The following JAZF1 variants were observed in gnomAD, a reference collection of about 807,000 sequenced individuals.
JAZF1 encodes juxtaposed with another zinc finger protein 1.
Under a neutral mutation model 26.4 loss-of-function variants are expected in JAZF1, and 8 were observed. That is an observed-to-expected ratio of 0.30 (90% CI 0.18 to 0.55). The LOEUF (loss-of-function observed/expected upper bound fraction) is 0.55, where lower values mean the gene tolerates loss of function less well. Among genes scored for constraint, JAZF1 ranks in the 20% least tolerant of loss-of-function variants. The probability of loss-of-function intolerance (pLI) is 0.94; values close to 1 mark genes in which losing one functional copy is unlikely to be tolerated. For missense variants in JAZF1, 199 were observed against 322.0 expected (o/e 0.62, Z 2.92); for synonymous variants, 126 against 122.3 (o/e 1.03, Z -0.20).
At chr7:28,085,758 G>A (rs1246549295) in intron 1 of JAZF1, among the ~76,000 whole-genome samples, 1 of 152,216 alleles carries the variant, frequency 6.6e-6, no homozygotes, top group Non-Finnish European at 1.5e-5. Context: ...TTGAGGTCCA[G>A]CAAAATTAAT....
intron 3 of JAZF1, among the ~76,000 whole-genome samples, chr7:27,845,337 T>G (rs1783000091): frequency 6.6e-6 from 1 of 152,164 alleles, no homozygotes; most frequent in Admixed American, 6.5e-5. Context: ...GGGGTCAGAA[T>G]GTTGCAACTC....
intron 2 of JAZF1, among the ~76,000 whole-genome samples, chr7:27,974,088 G>A (rs1742692321): frequency 6.6e-6 from 1 of 152,068 alleles, no homozygotes; most frequent in Non-Finnish European, 1.5e-5. Flanking sequence ...ATTAAACATA[G>A]TATGAATCAA....
chr7:28,097,381 A>G (rs1254928952), intron 1 of JAZF1, among the ~76,000 whole-genome samples: 1 of 152,230 alleles, frequency 6.6e-6, no homozygotes, highest in Non-Finnish European at 1.5e-5. Flanking sequence ...ATCAGCCTCC[A>G]TTAAAATGAT....
At chr7:27,958,839 T>G (rs1223018594) in intron 2 of JAZF1, among the ~76,000 whole-genome samples, 1 of 152,040 alleles carries the variant, frequency 6.6e-6, no homozygotes, top group African/African-American at 2.4e-5. Context: ...GAAGAATGGA[T>G]GACAATGGGG....
intron 1 of JAZF1, among the ~76,000 whole-genome samples, chr7:28,164,194 G>A (rs1783331374): frequency 6.6e-6 from 1 of 152,190 alleles, no homozygotes; most frequent in African/African-American, 2.4e-5. Context: ...CCACCCAGCT[G>A]AACCCAGCCT....
chr7:27,957,620 T>A (rs1233803736), intron 2 of JAZF1, among the ~76,000 whole-genome samples: 1 of 152,190 alleles, frequency 6.6e-6, no homozygotes, highest in Non-Finnish European at 1.5e-5. Context: ...CATCCTACCA[T>A]CTAGAAGATC....
chr7:28,149,616 G>A (rs1279526558), intron 1 of JAZF1, among the ~76,000 whole-genome samples: 1 of 152,110 alleles, frequency 6.6e-6, no homozygotes, highest in Non-Finnish European at 1.5e-5. Flanking sequence ...AAATAAAGAG[G>A]CAATGGGAAA....
chr7:27,849,632 G>C (rs1337783771), intron 3 of JAZF1, among the ~76,000 whole-genome samples: 2 of 152,134 alleles, frequency 1.3e-5, no homozygotes, highest in African/African-American at 4.8e-5. Context: ...AACGAAGGTA[G>C]GACCCTGTGA....
At chr7:28,060,089 AATTCTTTATTTG>A (rs1262245223) in intron 1 of JAZF1, among the ~76,000 whole-genome samples, 72 of 152,170 alleles carry the variant, frequency 4.7e-4, no homozygotes, top group African/African-American at 1.7e-3. Context: ...CTAGCTTATT[AATTCTTTATTTG>A]ATTCTATCTA....
chr7:27,901,727 C>G (rs1208704950), intron 2 of JAZF1, among the ~76,000 whole-genome samples: 1 of 152,158 alleles, frequency 6.6e-6, no homozygotes, highest in Non-Finnish European at 1.5e-5. Flanking sequence ...GAGGCTTGTT[C>G]TGGGGCAAAG....
chr7:27,836,700 C>A (rs1232721710), intron 4 of JAZF1, among the ~76,000 whole-genome samples: 1 of 152,204 alleles, frequency 6.6e-6, no homozygotes, highest in Non-Finnish European at 1.5e-5. Context: ...AGTGTGGACA[C>A]CTCACCAGCC....
intron 3 of JAZF1, among the ~76,000 whole-genome samples, chr7:27,854,422 T>C (rs373816189): frequency 5.3e-4 from 80 of 152,352 alleles, no homozygotes; most frequent in African/African-American, 1.8e-3. Context: ...TGATGATAGC[T>C]GGTTATTTTG....
intron 1 of JAZF1, among the ~76,000 whole-genome samples, chr7:28,052,262 G>A (rs1264704384): frequency 6.6e-6 from 1 of 152,148 alleles, no homozygotes; most frequent in Non-Finnish European, 1.5e-5. Flanking sequence ...ACCACGAGTA[G>A]CTGTAAACTA....
intron 2 of JAZF1, among the ~76,000 whole-genome samples, chr7:27,954,191 G>A (rs1785051784): frequency 6.6e-6 from 1 of 152,190 alleles, no homozygotes; most frequent in South Asian, 2.1e-4. Flanking sequence ...ATCCATCATA[G>A]CTCCTAGAGG....
At chr7:27,976,966 G>GA (rs146400038) in intron 2 of JAZF1, among the ~76,000 whole-genome samples, 2 of 151,412 alleles carry the variant, frequency 1.3e-5, no homozygotes, top group Non-Finnish European at 2.9e-5. Context: ...GTAGAAGGAG[G>GA]AAAAAAAAGC....
chr7:28,021,177 G>C (rs1029233554), intron 1 of JAZF1, among the ~76,000 whole-genome samples: 1 of 152,136 alleles, frequency 6.6e-6, no homozygotes, highest in African/African-American at 2.4e-5. Flanking sequence ...CGGGCCGAGA[G>C]AGTTCTTGCA....
chr7:28,030,924 A>G (rs1398532557), intron 1 of JAZF1, among the ~76,000 whole-genome samples: 1 of 152,206 alleles, frequency 6.6e-6, no homozygotes, highest in Non-Finnish European at 1.5e-5. Flanking sequence ...TATTCAGATA[A>G]ATACATTCAT....
chr7:27,911,842 C>A (rs1784364169), intron 2 of JAZF1, among the ~76,000 whole-genome samples: 1 of 152,032 alleles, frequency 6.6e-6, no homozygotes, highest in South Asian at 2.1e-4. Flanking sequence ...TTGGGGAATA[C>A]CTGCAGTATA....
chr7:27,906,314 C>T (rs12700849), intron 2 of JAZF1, among the ~76,000 whole-genome samples: 15,199 of 152,164 alleles, frequency 0.1, 945 homozygotes, highest in Non-Finnish European at 0.14. Context: ...GAAACGTCCT[C>T]ATGAACAGCA....
Sources: gnomAD v4.1 joint callset for allele counts (sites outside exome capture counted in the v4.1 genomes callset) on GRCh38, gnomAD v4.1.1 for gene constraint, MANE v1.5 for transcripts, NCBI Gene and HGNC (gene_info 2026-07-23, HGNC 2026-07-21) for gene names.